The following EPB41 variants were observed in gnomAD, a reference collection of about 807,000 sequenced individuals.
EPB41 encodes protein 4.1.
In EPB41, 65 loss-of-function variants were observed where a neutral mutation model predicts 108.0. The ratio of observed to expected loss-of-function variants is 0.60; its 90% CI spans 0.49 to 0.74. The LOEUF is 0.74. Ranked by LOEUF, EPB41 falls within the 30% of genes least tolerant of loss-of-function variation. EPB41 has a pLI of 0.00. For missense variants in EPB41, 875 were observed against 1,037.0 expected (o/e 0.84, Z 2.15); for synonymous variants, 336 against 358.9 (o/e 0.94, Z 0.72).
chr1:28,906,312 C>T (rs12045054), intron 1 of EPB41, among the ~76,000 whole-genome samples: 19,256 of 152,194 alleles, frequency 0.13, 1,496 homozygotes, highest in East Asian at 0.37. Context: ...CCCTTCTGCC[C>T]TGTCCCTCTG....
At chr1:29,092,740 C>A (rs1661746948) in intron 16 of EPB41, among the ~76,000 whole-genome samples, 1 of 152,022 alleles carries the variant, frequency 6.6e-6, no homozygotes. Context: ...GTCTGTTGTT[C>A]CCCTCCTTGT....
rs551487070 is a variant in EPB41 at position 29,069,421 on chromosome 1, G to A, written c.2184+4263G>A. 108 of 1,226,620 alleles carry A rather than the reference G, an allele frequency of 8.8e-5. 2 individuals are homozygous for A. The South Asian group carries it at 4.1e-3, about 47-fold the overall frequency. The allele number at this position is 1,226,620 out of a possible 1,614,324, so 76.0% of individuals were successfully genotyped here. A position where few individuals can be genotyped will look rare whatever the true frequency, so the allele number is the denominator to read the frequency against. On this transcript the variant is annotated intron_variant, in intron 16 of 20. Coordinates refer to ENST00000343067, the MANE Select transcript of EPB41 (RefSeq NM_001376013.1). ...GTCTAAAGCATTTGCTTAAAGTAAT[G>A]TATAAACCTTCATGATGGTCATTAT... is the stretch of plus-strand genomic sequence containing the variant.
intron 15 of EPB41, among the ~76,000 whole-genome samples, chr1:29,061,572 G>GTTTTTTTTTTTT (rs34413393): frequency 0.01 from 670 of 64,044 alleles, 124 homozygotes; most frequent in East Asian, 0.053. Context: ...CCTGGCCTTT[G>GTTTTTTTTTTTT]TTTTTTTTTT....
intron 1 of EPB41, among the ~76,000 whole-genome samples, chr1:28,966,050 G>A (rs977458782): frequency 1.3e-5 from 2 of 151,974 alleles, no homozygotes; most frequent in Non-Finnish European, 2.9e-5. Flanking sequence ...AGGCATGGTG[G>A]CGGGAGCCTG....
intron 1 of EPB41, among the ~76,000 whole-genome samples, chr1:28,978,404 C>T (rs2095658200): frequency 6.6e-6 from 1 of 151,418 alleles, no homozygotes; most frequent in African/African-American, 2.4e-5. Flanking sequence ...GTCTACAATC[C>T]CCAAAATCAC....
intron 18 of EPB41, 66 bp downstream of exon 18, chr1:29,109,503 G>T: frequency 1.5e-6 from 2 of 1,318,022 alleles, no homozygotes; most frequent in Non-Finnish European, 2.2e-6. Context: ...CCACCTCTCT[G>T]CAAGAAGGAC....
intron 16 of EPB41, chr1:29,070,381 G>A (rs1234888437): frequency 4.9e-6 from 6 of 1,232,098 alleles, no homozygotes; most frequent in Non-Finnish European, 6.1e-6. Context: ...AACGTGCTCT[G>A]TTAGTACAGG....
At chr1:29,094,642 C>T (rs947998937) in intron 16 of EPB41, among the ~76,000 whole-genome samples, 1 of 152,166 alleles carries the variant, frequency 6.6e-6, no homozygotes, top group Non-Finnish European at 1.5e-5. Context: ...AGCTGGCATT[C>T]CTAGGTGTTT....
At chr1:28,989,348 A>G in intron 2 of EPB41, 6 of 961,334 alleles carry the variant, frequency 6.2e-6, no homozygotes, top group Non-Finnish European at 7.4e-6. Flanking sequence ...AATGTCATTT[A>G]TTTTCAGCCT....
intron 16 of EPB41, among the ~76,000 whole-genome samples, chr1:29,086,209 CAAAA>C (rs1658836118): frequency 6.7e-6 from 1 of 150,344 alleles, no homozygotes; most frequent in Non-Finnish European, 1.5e-5. Context: ...AAACCACAAA[CAAAA>C]AGATCGTTTG....
intron 11 of EPB41, among the ~76,000 whole-genome samples, chr1:29,050,938 G>A (rs1181774734): frequency 1.3e-5 from 2 of 152,090 alleles, no homozygotes; most frequent in Admixed American, 6.5e-5. Flanking sequence ...GCCTCCCAAA[G>A]TGCTGGGATT....
rs771744415 is a variant in EPB41, at chr1:29,018,197, C to G, written c.906-27C>G. On this transcript the variant is annotated intron_variant, in intron 6 of 20. Transcript: ENST00000343067. This position sits in a 1 kb window ranked among gnomAD's most constrained non-coding sequence, Gnocchi z 4.4. ...TATATTTTGTTGTTGTTGTTGCTGA[C>G]ATAACATTTTTCTCTTTTGGCTGTA... 1 of 1,599,450 alleles carries G rather than the reference C, an allele frequency of 6.3e-7. No homozygotes were observed. Among genetic ancestry groups the G allele is most frequent in the South Asian group, 1.1e-5 (1 of 90,748 alleles).
chr1:28,901,680 C>T (rs968808429), intron 1 of EPB41, among the ~76,000 whole-genome samples: 13 of 151,886 alleles, frequency 8.6e-5, no homozygotes, highest in Non-Finnish European at 1.6e-4. Context: ...ATTACAGGCA[C>T]CCGCCACCAC....
At chr1:28,923,097 CT>C (rs1294850137) in intron 1 of EPB41, among the ~76,000 whole-genome samples, 2 of 136,344 alleles carry the variant, frequency 1.5e-5, no homozygotes, top group African/African-American at 5.7e-5. Flanking sequence ...TCCTTCTTTC[CT>C]TTCTTTTCTT....
At chr1:29,083,241 G>A (rs993331542) in intron 16 of EPB41, among the ~76,000 whole-genome samples, 5 of 151,624 alleles carry the variant, frequency 3.3e-5, no homozygotes, top group South Asian at 2.1e-4. Context: ...GAAATGTATT[G>A]CATGATAAAG....
chr1:28,894,885 T>C (rs188289535), intron 1 of EPB41, among the ~76,000 whole-genome samples: 36 of 152,264 alleles, frequency 2.4e-4, no homozygotes. Context: ...CTGGCTTTTT[T>C]CTCCTACTTT....
chr1:29,043,867 A>G (rs1306558504), intron 11 of EPB41, among the ~76,000 whole-genome samples: 1 of 152,200 alleles, frequency 6.6e-6, no homozygotes, highest in Non-Finnish European at 1.5e-5. Context: ...AGACAGGGAA[A>G]AGTAGTCAGG....
intron 16 of EPB41, among the ~76,000 whole-genome samples, chr1:29,067,659 C>T (rs956882918): frequency 8.0e-5 from 7 of 88,008 alleles, no homozygotes; most frequent in Non-Finnish European, 1.3e-4. Flanking sequence ...GGCAAGACTC[C>T]GTCTTAAAAA....
intron 1 of EPB41, among the ~76,000 whole-genome samples, chr1:28,940,446 G>C (rs889037277): frequency 2.0e-5 from 3 of 152,142 alleles, no homozygotes; most frequent in Non-Finnish European, 2.9e-5. Context: ...GAGGACGGGA[G>C]TTTGAGACCA....
Sources: allele counts gnomAD v4.1 joint callset (sites outside exome capture counted in the v4.1 genomes callset), GRCh38; gene constraint gnomAD v4.1.1; non-coding constraint Gnocchi (gnomAD v3.1); transcripts MANE v1.5; gene names NCBI Gene and HGNC (gene_info 2026-07-23, HGNC 2026-07-21).